ADGRV1: variants seen among roughly 807,000 people sequenced by gnomAD.
The protein encoded by ADGRV1 is adhesion G protein-coupled receptor V1.
A neutral mutation model predicts 596.2 loss-of-function variants in ADGRV1; 359 were observed. The observed-to-expected ratio is 0.60, with a 90% CI of 0.55 to 0.66. ADGRV1 has a LOEUF of 0.66. Among genes scored for constraint, ADGRV1 ranks in the 30% least tolerant of loss-of-function variants. ADGRV1 has a pLI of 0.00. For missense variants in ADGRV1, 7,274 were observed against 7,575.6 expected, an observed-to-expected ratio of 0.96 and a Z score of 1.48; for synonymous variants, 2,681 against 2,679.2, an observed-to-expected ratio of 1.00 and a Z score of -0.02.
chr5:90,850,354 G>T (rs1766359244), intron 79 of ADGRV1, among the ~76,000 whole-genome samples: 1 of 152,076 alleles, frequency 6.6e-6, no homozygotes. Flanking sequence ...CCTCACATGG[G>T]GCTTTTGAAA....
chr5:90,632,820 T>C (rs1416786896), intron 9 of ADGRV1, among the ~76,000 whole-genome samples: 1 of 152,214 alleles, frequency 6.6e-6, no homozygotes, highest in East Asian at 1.9e-4. Flanking sequence ...GTGCAGTTAA[T>C]TTATCACTTG....
At position 91,132,861 on chromosome 5, in the gene ADGRV1, A is replaced by G. The variant is rs555509295; in HGVS notation, c.18433-17169A>G. 2.4e-3 allele frequency among the ~76,000 whole-genome samples: 369 copies of G among 152,320 alleles called. 2 individuals are homozygous for G. The highest frequency in any genetic ancestry group is 8.2e-3 in the African/African-American group (339 of 41,568). The stretch of plus-strand genomic sequence containing the variant: ...GGAAATCAGATGAGTGGAGCTAGAT[A>G]TGGACAGTGAAGGAGGGGTAATGAT... On this transcript the variant is annotated intron_variant, in intron 87 of 89. Transcript: ENST00000405460.
intron 34 of ADGRV1, among the ~76,000 whole-genome samples, chr5:90,701,666 C>A (rs1747924308): frequency 6.6e-6 from 1 of 151,908 alleles, no homozygotes; most frequent in Non-Finnish European, 1.5e-5. Context: ...AAGTTACTTT[C>A]ATAGTAACTT....
At chr5:91,127,727 T>G (rs1462255286) in intron 87 of ADGRV1, among the ~76,000 whole-genome samples, 1 of 152,118 alleles carries the variant, frequency 6.6e-6, no homozygotes, top group Non-Finnish European at 1.5e-5. Flanking sequence ...GAAGCTGCCT[T>G]TATAGAGACA....
intron 26 of ADGRV1, among the ~76,000 whole-genome samples, chr5:90,681,101 T>C (rs1228407174): frequency 6.6e-6 from 1 of 152,216 alleles, no homozygotes; most frequent in Non-Finnish European, 1.5e-5. Context: ...TATGCAGCAC[T>C]TGTACATCAC....
At chr5:91,099,183 TATAATA>T (rs1432041105) in intron 86 of ADGRV1, among the ~76,000 whole-genome samples, 1 of 152,198 alleles carries the variant, frequency 6.6e-6, no homozygotes, top group Non-Finnish European at 1.5e-5. Flanking sequence ...CCTGTACAGT[TATAATA>T]ATAATTTTGA....
At chr5:90,902,299 A>G (rs1312286772) in intron 83 of ADGRV1, among the ~76,000 whole-genome samples, 5 of 152,098 alleles carry the variant, frequency 3.3e-5, no homozygotes, top group Non-Finnish European at 5.9e-5. Flanking sequence ...AAGGTTACAG[A>G]TTATACCTGT....
rs187362205 is a variant in ADGRV1 at position 90,691,061 on chromosome 5, T to C, written c.6951+20T>C. 11 of 1,613,350 alleles carry C rather than the reference T, an allele frequency of 6.8e-6. No homozygotes were observed. The highest frequency in any genetic ancestry group is 2.2e-5 in the East Asian group (1 of 44,878). On this transcript the variant is annotated intron_variant, in intron 31 of 89. Transcript: ENST00000405460. Reference sequence around the variant, plus strand: ...GAAGAGGTGAGAGGACTGGCTAGTATAGAATGACACTGTAAATCATACCGT... The same window carrying C: ...GAAGAGGTGAGAGGACTGGCTAGTACAGAATGACACTGTAAATCATACCGT...
intron 15 of ADGRV1, among the ~76,000 whole-genome samples, chr5:90,645,121 G>T (rs1767549158): frequency 6.6e-6 from 1 of 152,204 alleles, no homozygotes; most frequent in Admixed American, 6.5e-5. Flanking sequence ...TTCTTAGTTG[G>T]AGAGGCGAAG....
At chr5:90,858,465 A>C (rs1365890736) in intron 82 of ADGRV1, among the ~76,000 whole-genome samples, 1 of 151,948 alleles carries the variant, frequency 6.6e-6, no homozygotes, top group East Asian at 1.9e-4. Context: ...CAAGTCTTAT[A>C]GTCTTGTAAT....
chr5:90,837,037 C>G (rs1765025501), intron 77 of ADGRV1, among the ~76,000 whole-genome samples: 1 of 152,182 alleles, frequency 6.6e-6, no homozygotes, highest in African/African-American at 2.4e-5. Context: ...TTAAAACAGT[C>G]ATTGTAACAT....
At chr5:90,886,774 A>G (rs1770328521) in intron 83 of ADGRV1, among the ~76,000 whole-genome samples, 1 of 152,146 alleles carries the variant, frequency 6.6e-6, no homozygotes, top group Non-Finnish European at 1.5e-5. Context: ...AATTGGGGCC[A>G]TCATTCACAG....
chr5:90,967,107 A>G (rs1197515351), intron 84 of ADGRV1, among the ~76,000 whole-genome samples: 1 of 152,190 alleles, frequency 6.6e-6, no homozygotes, highest in Non-Finnish European at 1.5e-5. Context: ...CCCCAGTATG[A>G]TATGATAGTA....
intron 58 of ADGRV1, among the ~76,000 whole-genome samples, chr5:90,760,541 G>A (rs1432940553): frequency 1.3e-5 from 2 of 152,302 alleles, no homozygotes; most frequent in East Asian, 3.9e-4. Context: ...TCTGGTCACA[G>A]GCAGGATTCT....
intron 75 of ADGRV1, among the ~76,000 whole-genome samples, chr5:90,816,342 A>G (rs1333287662): frequency 6.6e-6 from 1 of 151,528 alleles, no homozygotes; most frequent in African/African-American, 2.4e-5. Flanking sequence ...TGGACATAAT[A>G]GAAAAATATA....
chr5:90,582,765 T>C (rs2151978117), intron 1 of ADGRV1, among the ~76,000 whole-genome samples: 1 of 152,172 alleles, frequency 6.6e-6, no homozygotes, highest in Admixed American at 6.5e-5. Context: ...AGATATGGGG[T>C]CTTTCTGTGT....
At chr5:91,019,919 C>A (rs1783495077) in intron 85 of ADGRV1, among the ~76,000 whole-genome samples, 1 of 151,964 alleles carries the variant, frequency 6.6e-6, no homozygotes, top group Admixed American at 6.6e-5. Context: ...CTTCCACCCC[C>A]AGGTCTCATG....
At position 90,705,596 on chromosome 5, in the gene ADGRV1, AAT is replaced by A. The variant is rs1748486137; in HGVS notation, c.8566+18_8566+19del. On this transcript the variant is annotated intron_variant, in intron 37 of 89. Transcript: ENST00000405460. ...GATCTCTAGGTTTGTGTTACTCTAG[AAT>A]GAATGGGGTTTCCAGGCAAGTGCTT... 1 of 1,603,862 alleles carries A rather than the reference AAT, an allele frequency of 6.2e-7. No homozygotes were observed. The highest frequency in any genetic ancestry group is 1.7e-5 in the Admixed American group (1 of 59,678).
At chr5:90,807,848 ATAGTTT>A (rs1762055131) in intron 73 of ADGRV1, 111 bp downstream of exon 73, 4 of 1,006,108 alleles carry the variant, frequency 4.0e-6, no homozygotes, top group Non-Finnish European at 5.6e-6. Context: ...AAACACAAAC[ATAGTTT>A]TAGTGTAGAG....
Sources: allele counts gnomAD v4.1 joint callset (sites outside exome capture counted in the v4.1 genomes callset), GRCh38; gene constraint gnomAD v4.1.1; transcripts MANE v1.5; gene names NCBI Gene and HGNC (gene_info 2026-07-23, HGNC 2026-07-21).